The following KIF22 variants were observed in gnomAD, a reference collection of about 807,000 sequenced individuals.
KIF22 encodes the protein kinesin-like protein KIF22.
In KIF22, 62 loss-of-function variants were observed where a neutral mutation model predicts 73.0. The ratio of observed to expected loss-of-function variants is 0.85; its 90% CI spans 0.69 to 1.05. The LOEUF is 1.05. KIF22 is among the 50% of genes least tolerant of loss of function. The pLI is 0.00. For synonymous variants in KIF22, 411 were observed against 340.1 expected, an observed-to-expected ratio of 1.21 and a Z score of -2.29; for missense variants, 854 against 870.1, an observed-to-expected ratio of 0.98 and a Z score of 0.23.
downstream of KIF22, chr16:29,805,385 G>A: frequency 6.6e-7 from 1 of 1,507,372 alleles, no homozygotes; most frequent in Non-Finnish European, 9.1e-7. Context: ...TTGCTCCGGT[G>A]CTTCCGCCTG....
intron 1 of KIF22, among the ~76,000 whole-genome samples, chr16:29,792,792 C>G (rs144478464): frequency 2.6e-4 from 40 of 152,142 alleles, no homozygotes; most frequent in Non-Finnish European, 4.6e-4. Context: ...TGCAAGAGAA[C>G]TTGGAGTTTT....
Position 29,799,804 on chromosome 16 carries a change from G to A in KIF22, c.1144+23G>A, listed in dbSNP as rs950768026. 2.5e-6 allele frequency: 4 copies of A among 1,613,828 alleles called. No homozygotes were observed. In the Admixed American group the frequency reaches 6.7e-5, roughly 27 times the overall value. ...ATGGTGAGAACTGGGGGAGGCAGGA[G>A]TGGAAACGCTGGGTCTGGAAATTAG... On this transcript the variant is annotated intron_variant, in intron 7 of 13. Transcript: ENST00000160827.
chr16:29,798,951 C>T lies in KIF22; in HGVS notation c.550-24C>T, dbSNP rs780326874. ...AAACAGCCTCTCTATGGAGAATTGC[C>T]CTTCCCCTTCACTGCTTACACAGGT... On this transcript the variant is annotated intron_variant, in intron 4 of 13. Transcript: ENST00000160827. The surrounding 1 kb of genome is among the most constrained non-coding windows in gnomAD (Gnocchi z 4.1). 2.1e-5 allele frequency: 34 copies of T among 1,607,798 alleles called. No homozygotes were observed. The highest frequency in any genetic ancestry group is 2.9e-5 in the Non-Finnish European group (34 of 1,174,348).
chr16:29,798,965 G>A lies in KIF22; in HGVS notation c.550-10G>A. The A allele has an allele frequency of 6.2e-7, 1 of 1,613,494 alleles. No individual in the cohort carries two copies. Among genetic ancestry groups the A allele is most frequent in the Non-Finnish European group, 8.5e-7 (1 of 1,179,396 alleles). On this transcript the variant is annotated splice_polypyrimidine_tract_variant and intron_variant, in intron 4 of 13. Transcript: ENST00000160827. The surrounding 1 kb of genome is among the most constrained non-coding windows in gnomAD (Gnocchi z 4.1). The stretch of plus-strand genomic sequence containing the variant: ...TGGAGAATTGCCCTTCCCCTTCACT[G>A]CTTACACAGGTATTAGACCTCCTGG...
chr16:29,791,296 G>C, intron 1 of KIF22: 1 of 973,740 alleles, frequency 1.0e-6, no homozygotes, highest in Non-Finnish European at 1.2e-6. Context: ...GCAAGAGGAC[G>C]GGCTGAGGAA....
Position 29,804,913 on chromosome 16 carries a change from C to A in KIF22, c.1777C>A (p.Leu593Met). The A allele has an allele frequency of 3.1e-6, 5 of 1,613,968 alleles. No homozygotes were observed. Among genetic ancestry groups the A allele is most frequent in the Non-Finnish European group, 4.2e-6 (5 of 1,180,020 alleles). Reference protein sequence around the residue: ...ELLAHGRQKILDLLNEGSARD... With the variant: ...ELLAHGRQKIMDLLNEGSARD... ...ACTGGCTCATGGGCGCCAAAAAATA[C>A]TGGATCTGCTGAACGAAGGCTCAGC... Residue 593 changes from leucine to methionine, a missense_variant, in exon 12 of 14, where the codon CTG (leucine) becomes ATG (methionine). Physicochemically the swap from Leu to Met is conservative, Grantham distance 15 (BLOSUM62 2). Around this residue, in one of 3 missense-constraint regions of KIF22, gnomAD observed 423 missense variants for 365.4 expected, o/e 1.16. Coordinates refer to ENST00000160827, the MANE Select transcript of KIF22 (RefSeq NM_007317.3).
chr16:29,792,721 G>C (rs1898850155), intron 1 of KIF22, among the ~76,000 whole-genome samples: 1 of 152,216 alleles, frequency 6.6e-6, no homozygotes, highest in Non-Finnish European at 1.5e-5. Flanking sequence ...ACTCCAGGGT[G>C]GGGTGGGGAG....
chr16:29,798,927 A>G lies in KIF22; in HGVS notation c.550-48A>G. The G allele has an allele frequency of 6.3e-7, 1 of 1,587,320 alleles. No homozygotes were observed. Among genetic ancestry groups the G allele is most frequent in the Non-Finnish European group, 8.6e-7 (1 of 1,156,094 alleles). Reference sequence around the variant, plus strand: ...GAAAGGAAACTGATCCCCAGGAAGAAACAGCCTCTCTATGGAGAATTGCCC... The same window carrying G: ...GAAAGGAAACTGATCCCCAGGAAGAGACAGCCTCTCTATGGAGAATTGCCC... On this transcript the variant is annotated intron_variant, in intron 4 of 13. Coordinates refer to ENST00000160827, the MANE Select transcript of KIF22 (RefSeq NM_007317.3). This position sits in a 1 kb window ranked among gnomAD's most constrained non-coding sequence, Gnocchi z 4.1.
rs772668427 is a variant in KIF22, at chr16:29,804,132, G to A, written c.1677+67G>A. The A allele has an allele frequency of 2.2e-5, 29 of 1,310,122 alleles. 1 individual carries two copies. The highest frequency in any genetic ancestry group is 5.1e-5 in the Admixed American group (3 of 59,340). The allele number at this position is 1,310,122 out of a possible 1,614,324, so 81.2% of individuals were successfully genotyped here. A position where few individuals can be genotyped will look rare whatever the true frequency, so the allele number is the denominator to read the frequency against. On this transcript the variant is annotated intron_variant, in intron 11 of 13. Transcript: ENST00000160827. The stretch of plus-strand genomic sequence containing the variant: ...AGTAAGGGGGAGTAGGCTCTAGGGG[G>A]AGGAGCGTTGGCCTTGGGGTTAAAC...
At chr16:29,802,743 G>A in intron 8 of KIF22, 26 bp from the exon 9 acceptor site, 2 of 1,531,392 alleles carry the variant, frequency 1.3e-6, no homozygotes, top group Non-Finnish European at 1.7e-6. Context: ...GGAGGTAGGT[G>A]GGGAGCAACT....
chr16:29,801,232 G>T (rs932435596), intron 8 of KIF22, among the ~76,000 whole-genome samples: 3 of 152,132 alleles, frequency 2.0e-5, no homozygotes, highest in Admixed American at 6.6e-5. Flanking sequence ...TAATCCTCAG[G>T]TCATCTCTGT....
intron 8 of KIF22, among the ~76,000 whole-genome samples, chr16:29,801,826 C>T (rs1899147565): frequency 6.6e-6 from 1 of 152,170 alleles, no homozygotes; most frequent in African/African-American, 2.4e-5. Context: ...GTGTCCCTGT[C>T]CTCCAGGAGC....
chr16:29,793,510 G>C (rs1474559671), intron 1 of KIF22, among the ~76,000 whole-genome samples: 1 of 152,160 alleles, frequency 6.6e-6, no homozygotes, highest in African/African-American at 2.4e-5. Context: ...CGTGCAATAG[G>C]ACTTATCAGC....
Position 29,799,448 on chromosome 16 carries a change from T to G in KIF22, c.944T>G (p.Leu315Arg), listed in dbSNP as rs1444657282. The G allele has an allele frequency of 1.2e-6, 2 of 1,614,202 alleles. No homozygotes were observed. The highest frequency in any genetic ancestry group is 1.7e-6 in the Non-Finnish European group (2 of 1,180,034). ...GKVVDALNQG[L>R]PRVPYRDSKL... is the part of the protein sequence containing the mutation. The stretch of plus-strand genomic sequence containing the variant: ...GTGGTAGATGCGCTGAATCAGGGCC[T>G]CCCTCGTGTACCTTATCGGGACAGC... The change falls in exon 6 of 14, where the codon CTC becomes CGC. Residue 315 changes from leucine (L) to arginine (R), a missense_variant. Transcript: ENST00000160827.
At chr16:29,803,423 C>T in intron 9 of KIF22, 26 bp from the exon 10 acceptor site, 6 of 1,612,110 alleles carry the variant, frequency 3.7e-6, no homozygotes, top group Non-Finnish European at 5.1e-6. Context: ...GGGTCTGGAT[C>T]ACATCTCCCT....
At chr16:29,803,637 C>T (rs1899224581) in intron 10 of KIF22, 29 bp downstream of exon 10, 1 of 1,564,684 alleles carries the variant, frequency 6.4e-7, no homozygotes, top group Non-Finnish European at 8.7e-7. Context: ...GCTGGGGGGC[C>T]AAGGCAGCTG....
Position 29,799,085 on chromosome 16 carries a change from T to C in KIF22, c.660T>C (p.Asp220=). The C allele has an allele frequency of 2.5e-6, 4 of 1,614,144 alleles. No homozygotes were observed. The highest frequency in any genetic ancestry group is 3.4e-6 in the Non-Finnish European group (4 of 1,180,028). Residue 220 remains aspartate (D), a synonymous_variant, in exon 5 of 14, where the codon GAT becomes GAC. Coordinates refer to ENST00000160827, the MANE Select transcript of KIF22 (RefSeq NM_007317.3). The part of the protein sequence containing the change: ...LSQKPISSFA[D]FERHFLPASR... ...AGAAGCCCATCAGTAGCTTTGCTGA[T>C]TTTGAGCGGCACTTCCTGCCAGCCA...
chr16:29,804,825 G>C lies in KIF22; in HGVS notation c.1689G>C (p.Leu563=). The part of the protein sequence containing the change: ...NKGRKRKLES[L]DALEPEEKAE... ...CCTTTGCCTCCCAGCTGGAGTCCCT[G>C]GATGCCCTAGAGCCTGAGGAGAAGG... Residue 563 remains leucine (L), a synonymous_variant, in exon 12 of 14, where the codon CTG becomes CTC. Coordinates refer to ENST00000160827, the MANE Select transcript of KIF22 (RefSeq NM_007317.3). 11 of 1,609,022 alleles carry C rather than the reference G, an allele frequency of 6.8e-6. No individual in the cohort carries two copies. Among genetic ancestry groups the C allele is most frequent in the Non-Finnish European group, 9.3e-6 (11 of 1,177,830 alleles).
At chr16:29,803,074 C>T in intron 9 of KIF22, 137 bp downstream of exon 9, 1 of 832,958 alleles carries the variant, frequency 1.2e-6, no homozygotes, top group Non-Finnish European at 1.9e-6. Context: ...CCAGCTTCTG[C>T]TTGAATGTCC....
Sources: allele counts gnomAD v4.1 joint callset (sites outside exome capture counted in the v4.1 genomes callset), GRCh38; gene constraint gnomAD v4.1.1; regional missense constraint gnomAD v4.1.1; non-coding constraint Gnocchi (gnomAD v3.1); transcripts MANE v1.5; gene names NCBI Gene and HGNC (gene_info 2026-07-23, HGNC 2026-07-21).